The following DST variants were observed in gnomAD, a reference collection of about 807,000 sequenced individuals.
The protein encoded by DST is dystonin, also known as bullous pemphigoid antigen.
A neutral mutation model predicts 875.2 loss-of-function variants in DST; 253 were observed. The ratio of observed to expected loss-of-function variants is 0.29; its 90% CI spans 0.26 to 0.32. DST has a LOEUF of 0.32. Among genes scored for constraint, DST ranks in the 10% least tolerant of loss-of-function variants. The pLI, the probability that DST is intolerant of heterozygous loss-of-function variation, is 1.00. For missense variants in DST, 8,287 were observed against 9,111.6 expected (o/e 0.91, Z 3.68); for synonymous variants, 3,124 against 3,197.1 (o/e 0.98, Z 0.77).
chr6:56,556,676 C>A (rs910631703), intron 59 of DST, among the ~76,000 whole-genome samples: 2 of 152,182 alleles, frequency 1.3e-5, no homozygotes, highest in Admixed American at 6.5e-5. Context: ...AAAAAACTAA[C>A]TGAAATCACC....
intron 2 of DST, among the ~76,000 whole-genome samples, chr6:56,914,805 C>A (rs1401361571): frequency 1.3e-5 from 2 of 152,074 alleles, no homozygotes; most frequent in African/African-American, 4.8e-5. Context: ...AGAGTAATGG[C>A]AAAACACTGG....
At chr6:56,690,669 G>C (rs908659381) in intron 9 of DST, among the ~76,000 whole-genome samples, 1 of 152,158 alleles carries the variant, frequency 6.6e-6, no homozygotes, top group Non-Finnish European at 1.5e-5. Flanking sequence ...CAAACAAAAG[G>C]AATGTTGGTT....
rs747978357 is a variant in DST, at chr6:56,498,009, G to A, written c.19941C>T (p.Ala6647=). ...DVLAHQSTVE[A]VNKAGNDLIE... is the part of the protein sequence containing the mutation. ...TTAGATCATTTCCTGCTTTATTAAC[G>A]GCTTCCACTGTGGACTGATGGGCTA... The change falls in exon 81 of 104, where the codon GCC becomes GCT. Residue 6647 remains alanine, a synonymous_variant. Transcript: ENST00000680361. The A allele has an allele frequency of 1.3e-5, 21 of 1,613,110 alleles. No individual in the cohort carries two copies. The highest frequency in any genetic ancestry group is 8.9e-5 in the East Asian group (4 of 44,878).
chr6:56,639,976 C>A lies in DST; in HGVS notation c.2572G>T (p.Ala858Ser), dbSNP rs761788534. The change falls in exon 19 of 104, where the codon GCT becomes TCT. Residue 858 changes from alanine (A) to serine (S), a missense_variant. By Grantham distance (99) the Ala-to-Ser change is moderately conservative (BLOSUM62 1). This residue lies in a region of DST where 1,160 missense variants were observed against 1,424.3 expected (regional missense o/e 0.81). Transcript: ENST00000680361. ...HLENHKNVHR[A>S]IEEFESSLKE... Reference sequence around the variant, plus strand: ...AGACTAGATTCAAATTCTTCAATAGCTCTATGAACATTTTTATGATTTTCT... The same window carrying A: ...AGACTAGATTCAAATTCTTCAATAGATCTATGAACATTTTTATGATTTTCT... 3.7e-6 allele frequency: 6 copies of A among 1,613,604 alleles called. No homozygotes were observed. In the East Asian group the frequency reaches 8.9e-5, roughly 24 times the overall value.
chr6:56,701,992 A>G, intron 7 of DST, 27 bp from the exon 8 acceptor site: 2 of 1,437,888 alleles, frequency 1.4e-6, no homozygotes, highest in East Asian at 2.3e-5. Flanking sequence ...GCAGGTATGA[A>G]AAAGAGTTTC....
At chr6:56,936,317 C>T (rs1020842446) in intron 2 of DST, among the ~76,000 whole-genome samples, 6 of 152,150 alleles carry the variant, frequency 3.9e-5, no homozygotes, top group South Asian at 2.1e-4. Context: ...GATTCTGAAA[C>T]GTAAACAGCA....
intron 4 of DST, among the ~76,000 whole-genome samples, chr6:56,809,140 C>G (rs2099756786): frequency 6.6e-6 from 1 of 152,122 alleles, no homozygotes; most frequent in Non-Finnish European, 1.5e-5. Context: ...GGCACTCATC[C>G]CTCTTCTGCC....
intron 2 of DST, among the ~76,000 whole-genome samples, chr6:56,932,300 T>C (rs563533431): frequency 4.6e-5 from 7 of 152,230 alleles, no homozygotes; most frequent in Non-Finnish European, 7.3e-5. Flanking sequence ...CCCGCCATGA[T>C]TCTGAGGCCT....
intron 22 of DST, 95 bp from the exon 23 acceptor site, chr6:56,636,747 C>T (rs1017965790): frequency 3.0e-6 from 3 of 1,016,716 alleles, no homozygotes; most frequent in Non-Finnish European, 1.5e-6. Context: ...ACTCTACTAT[C>T]TAAATAGATG....
intron 4 of DST, among the ~76,000 whole-genome samples, chr6:56,813,107 C>T (rs1341544035): frequency 2.0e-5 from 3 of 151,536 alleles, no homozygotes; most frequent in African/African-American, 7.3e-5. Context: ...AATTGGAAAT[C>T]ATCATTCTCA....
chr6:56,804,826 GTGTCATTTCAAGC>G (rs536545183), intron 4 of DST, among the ~76,000 whole-genome samples: 13 of 152,136 alleles, frequency 8.5e-5, no homozygotes, highest in African/African-American at 1.4e-4. Context: ...TGCTACTATA[GTGTCATTTCAAGC>G]TGTCATTTCA....
chr6:56,699,603 C>T, intron 9 of DST, 50 bp downstream of exon 9: 1 of 857,132 alleles, frequency 1.2e-6, no homozygotes, highest in Non-Finnish European at 1.8e-6. Context: ...TCATAGGAAC[C>T]ACCTGAAAAC....
At chr6:56,719,949 G>A (rs2152907343) in intron 5 of DST, among the ~76,000 whole-genome samples, 1 of 152,248 alleles carries the variant, frequency 6.6e-6, no homozygotes, top group East Asian at 1.9e-4. Flanking sequence ...CACAGGACTG[G>A]GGCAAAATTA....
At chr6:56,879,457 C>T (rs945977565) in intron 3 of DST, among the ~76,000 whole-genome samples, 14 of 147,548 alleles carry the variant, frequency 9.5e-5, no homozygotes, top group Non-Finnish European at 1.3e-4. Context: ...GGAGACAGAG[C>T]GAGACTTCGT....
At position 56,501,156 on chromosome 6, in the gene DST, G is replaced by C. The variant is rs911141337; in HGVS notation, c.19820C>G (p.Thr6607Ser). 1.2e-6 allele frequency: 2 copies of C among 1,612,704 alleles called. No individual in the cohort carries two copies. Among genetic ancestry groups the C allele is most frequent in the Non-Finnish European group, 1.7e-6 (2 of 1,179,236 alleles). ...LDELLAWLTH[T>S]EGLLSEQKPV... is the part of the protein sequence containing the mutation. ...TTTCTGCTCACTTAGCAAGCCCTCG[G>C]TGTGTGTCAGCCATGCCAGGAGCTC... Residue 6607 changes from threonine to serine, a missense_variant, in exon 80 of 104, where the codon ACC (threonine) becomes AGC (serine). Around this residue, in one of 10 missense-constraint regions of DST, gnomAD observed 1,292 missense variants for 1,552.7 expected, o/e 0.83. Transcript: ENST00000680361.
At chr6:56,697,023 C>G (rs190990572) in intron 9 of DST, among the ~76,000 whole-genome samples, 3 of 152,270 alleles carry the variant, frequency 2.0e-5, no homozygotes, top group Admixed American at 2.0e-4. Flanking sequence ...TCTGGCTTCT[C>G]AGCTCCACTC....
intron 4 of DST, among the ~76,000 whole-genome samples, chr6:56,850,277 C>T (rs1269837867): frequency 1.3e-5 from 2 of 152,074 alleles, no homozygotes; most frequent in Non-Finnish European, 2.9e-5. Flanking sequence ...TTGTTTTTCC[C>T]GTAATCAGAA....
chr6:56,506,879 C>T, intron 75 of DST, 90 bp from the exon 76 acceptor site: 1 of 1,297,882 alleles, frequency 7.7e-7, no homozygotes, highest in Non-Finnish European at 1.0e-6. Context: ...GTAGTTATTT[C>T]TAGAAGGTGG....
chr6:56,930,431 A>G (rs192792422), intron 2 of DST, among the ~76,000 whole-genome samples: 123 of 152,344 alleles, frequency 8.1e-4, no homozygotes, highest in Admixed American at 2.5e-3. Context: ...ATGTGTAGGA[A>G]TCTCATGAGA....
Sources: gnomAD v4.1 joint callset for allele counts (sites outside exome capture counted in the v4.1 genomes callset) on GRCh38, gnomAD v4.1.1 for gene constraint, gnomAD v4.1.1 regional missense constraint, MANE v1.5 for transcripts, NCBI Gene and HGNC (gene_info 2026-07-23, HGNC 2026-07-21) for gene names.